CSMD1: variants seen among roughly 807,000 people sequenced by gnomAD.
CSMD1 encodes CUB and Sushi multiple domains 1, also known as CUB and sushi domain-containing protein 1.
Under a neutral mutation model 417.5 loss-of-function variants are expected in CSMD1, and 213 were observed. The observed-to-expected ratio is 0.51, with a 90% CI of 0.46 to 0.57. The LOEUF (loss-of-function observed/expected upper bound fraction) is 0.57, where lower values mean the gene tolerates loss of function less well. Ranked by LOEUF, CSMD1 falls within the 20% of genes least tolerant of loss-of-function variation. CSMD1 has a pLI of 0.00. For missense variants in CSMD1, 6,923 were observed against 4,529.7 expected (o/e 1.53, Z -15.17); for synonymous variants, 2,862 against 1,736.8 (o/e 1.65, Z -16.11).
At chr8:3,071,436 T>C (rs6558712) in intron 49 of CSMD1, among the ~76,000 whole-genome samples, 4,344 of 152,144 alleles carry the variant, frequency 0.029, 221 homozygotes, top group African/African-American at 0.099. Context: ...AGTTGACAGA[T>C]GCAGCAAACC....
chr8:4,689,465 G>C (rs1806615963), intron 1 of CSMD1, among the ~76,000 whole-genome samples: 1 of 151,990 alleles, frequency 6.6e-6, no homozygotes, highest in Non-Finnish European at 1.5e-5. Context: ...AGAAGGATTT[G>C]TGGGGAAAAA....
intron 33 of CSMD1, among the ~76,000 whole-genome samples, chr8:3,198,337 C>T (rs1796811482): frequency 6.6e-6 from 1 of 152,188 alleles, no homozygotes; most frequent in Non-Finnish European, 1.5e-5. Flanking sequence ...TTACACATCT[C>T]ACATACTTTG....
At chr8:3,784,104 G>A (rs1047403909) in intron 5 of CSMD1, among the ~76,000 whole-genome samples, 1 of 151,908 alleles carries the variant, frequency 6.6e-6, no homozygotes, top group Non-Finnish European at 1.5e-5. Context: ...TAGTGTGTTT[G>A]GACAATAATA....
At position 3,637,200 on chromosome 8, in the gene CSMD1, G is replaced by A. The variant is rs116135635; in HGVS notation, c.1010-20403C>T. Among the ~76,000 whole-genome samples, 1,198 of 152,272 alleles carry A rather than the reference G, an allele frequency of 7.9e-3. 11 individuals are homozygous for A. Among genetic ancestry groups the A allele is most frequent in the African/African-American group, 0.026 (1,060 of 41,546 alleles). Reference sequence around the variant, plus strand: ...AATTGTTTAACACAGTTTTTAAGCTGTGTGACATATTCTAACTTTTACTAG... The same window carrying A: ...AATTGTTTAACACAGTTTTTAAGCTATGTGACATATTCTAACTTTTACTAG... On this transcript the variant is annotated intron_variant, in intron 7 of 69. Transcript: ENST00000635120.
intron 1 of CSMD1, among the ~76,000 whole-genome samples, chr8:4,813,346 G>A (rs1413738231): frequency 2.0e-5 from 3 of 151,160 alleles, no homozygotes; most frequent in East Asian, 1.9e-4. Flanking sequence ...CTAAGATTCT[G>A]GAAAAAAAAA....
chr8:4,017,668 T>G (rs1362457735), intron 4 of CSMD1, among the ~76,000 whole-genome samples: 1 of 152,134 alleles, frequency 6.6e-6, no homozygotes, highest in East Asian at 1.9e-4. Context: ...TAAGAATTTT[T>G]TTTTTCAAAT....
chr8:4,724,419 T>A (rs1563224271), intron 1 of CSMD1, among the ~76,000 whole-genome samples: 1 of 152,012 alleles, frequency 6.6e-6, no homozygotes, highest in African/African-American at 2.4e-5. Flanking sequence ...AAATCAGACT[T>A]AAATATACAA....
At chr8:3,263,582 C>A (rs1048750510) in intron 26 of CSMD1, among the ~76,000 whole-genome samples, 7 of 152,038 alleles carry the variant, frequency 4.6e-5, no homozygotes, top group South Asian at 4.1e-4. Flanking sequence ...AAATTTCTTA[C>A]AAATAAATGT....
At chr8:4,971,653 C>T (rs918976867) in intron 1 of CSMD1, among the ~76,000 whole-genome samples, 2 of 150,812 alleles carry the variant, frequency 1.3e-5, no homozygotes, top group Admixed American at 1.3e-4. Context: ...CTTATTCTTA[C>T]TTCCTTGCAC....
At chr8:3,724,001 G>C (rs917720073) in intron 6 of CSMD1, among the ~76,000 whole-genome samples, 1 of 51,692 alleles carries the variant, frequency 1.9e-5, no homozygotes, top group East Asian at 3.7e-4. Flanking sequence ...TATTATCTAA[G>C]AGGGATATTA....
intron 1 of CSMD1, among the ~76,000 whole-genome samples, chr8:4,868,715 C>T (rs1293766171): frequency 1.3e-5 from 2 of 151,630 alleles, no homozygotes; most frequent in African/African-American, 4.9e-5. Context: ...GTATTTGATG[C>T]GGTACCAGTT....
At chr8:4,143,809 G>A (rs1294545126) in intron 3 of CSMD1, among the ~76,000 whole-genome samples, 1 of 151,236 alleles carries the variant, frequency 6.6e-6, no homozygotes, top group African/African-American at 2.5e-5. Context: ...CTGTTCCAGG[G>A]CCTAGTTACA....
intron 3 of CSMD1, among the ~76,000 whole-genome samples, chr8:4,038,837 C>G (rs1022068643): frequency 4.1e-4 from 62 of 152,092 alleles, no homozygotes; most frequent in African/African-American, 1.1e-3. Flanking sequence ...CCCATGAAGC[C>G]AAATTTGTAC....
Position 3,955,092 on chromosome 8 carries a change from G to A in CSMD1, c.818+42811C>T, listed in dbSNP as rs1003361896. ...GAACCATCACCTGACATTTCTAGTG[G>A]GTGCGGGAAAGCCGTCTCCTGCCCC... On this transcript the variant is annotated intron_variant, in intron 5 of 69. Transcript: ENST00000635120. 2.6e-5 allele frequency among the ~76,000 whole-genome samples: 4 copies of A among 152,250 alleles called. No homozygotes were observed. The South Asian group carries it at 8.3e-4, about 32-fold the overall frequency.
intron 40 of CSMD1, among the ~76,000 whole-genome samples, chr8:3,144,044 G>C (rs954464195): frequency 1.3e-5 from 2 of 152,184 alleles, no homozygotes; most frequent in African/African-American, 2.4e-5. Context: ...AGAAGCAAAA[G>C]GGTAAATAGT....
intron 21 of CSMD1, among the ~76,000 whole-genome samples, chr8:3,348,548 G>A (rs1307647866): frequency 3.3e-5 from 5 of 152,034 alleles, no homozygotes; most frequent in East Asian, 1.9e-4. Context: ...CAGTTCCCAC[G>A]CTCCCATTCT....
At chr8:3,875,718 T>C (rs1427737777) in intron 5 of CSMD1, among the ~76,000 whole-genome samples, 1 of 151,622 alleles carries the variant, frequency 6.6e-6, no homozygotes, top group Non-Finnish European at 1.5e-5. Context: ...TCTTCTCGAG[T>C]GGATTGAGGA....
At chr8:3,229,444 T>C (rs536336139) in intron 27 of CSMD1, among the ~76,000 whole-genome samples, 16 of 152,160 alleles carry the variant, frequency 1.1e-4, no homozygotes, top group Non-Finnish European at 1.8e-4. Flanking sequence ...CAAACATATT[T>C]GTGATAAATT....
chr8:4,126,253 C>G (rs1195181916), intron 3 of CSMD1, among the ~76,000 whole-genome samples: 1 of 152,184 alleles, frequency 6.6e-6, no homozygotes, highest in Non-Finnish European at 1.5e-5. Context: ...CAGTCTCCCA[C>G]ACGACCGGCT....
Sources: gnomAD v4.1 joint callset for allele counts (sites outside exome capture counted in the v4.1 genomes callset) on GRCh38, gnomAD v4.1.1 for gene constraint, MANE v1.5 for transcripts, NCBI Gene and HGNC (gene_info 2026-07-23, HGNC 2026-07-21) for gene names.